TBC1D4: variants seen among roughly 807,000 people sequenced by gnomAD.
TBC1D4 encodes the protein TBC1 domain family member 4.
TBC1D4 carries 121 observed loss-of-function variants against 142.5 expected under a neutral mutation model. That is an observed-to-expected ratio of 0.85 (90% CI 0.73 to 0.99). The LOEUF (loss-of-function observed/expected upper bound fraction) is 0.99. Among genes scored for constraint, TBC1D4 ranks in the 50% least tolerant of loss-of-function variants. TBC1D4 has a pLI of 0.00. For missense variants in TBC1D4, 1,475 were observed against 1,606.6 expected, an observed-to-expected ratio of 0.92 and a Z score of 1.40; for synonymous variants, 630 against 628.2, an observed-to-expected ratio of 1.00 and a Z score of -0.04.
chr13:75,416,577 A>C (rs979767745), intron 1 of TBC1D4, among the ~76,000 whole-genome samples: 5 of 152,166 alleles, frequency 3.3e-5, no homozygotes, highest in Non-Finnish European at 1.5e-5. Context: ...AGCAACATAC[A>C]AGCAATACTC....
chr13:75,317,901 T>C (rs920178607), intron 12 of TBC1D4, among the ~76,000 whole-genome samples: 15 of 152,150 alleles, frequency 9.9e-5, no homozygotes, highest in African/African-American at 3.6e-4. Flanking sequence ...TATCCCCCAA[T>C]ATAGGGTAGG....
In TBC1D4 at chr13:75,462,233, G is replaced by A. The variant is rs755473427; in HGVS notation, c.498+19037C>T. On this transcript the variant is annotated intron_variant, in intron 1 of 20. Coordinates refer to ENST00000377636, the MANE Select transcript of TBC1D4 (RefSeq NM_014832.5). The stretch of plus-strand genomic sequence containing the variant: ...TATACATGAAGGGCAGTTCAATTAC[G>A]GAAACAGCAAATGGACCAGAGGAAC... 1.6e-4 allele frequency among the ~76,000 whole-genome samples: 25 copies of A among 151,970 alleles called. No individual in the cohort carries two copies. The East Asian group carries it at 2.7e-3, about 16-fold the overall frequency.
intron 20 of TBC1D4, among the ~76,000 whole-genome samples, chr13:75,288,487 T>C (rs1874921698): frequency 6.6e-6 from 1 of 152,110 alleles, no homozygotes; most frequent in African/African-American, 2.4e-5. Context: ...CTATCTTAAA[T>C]TGACACTAGG....
intron 8 of TBC1D4, among the ~76,000 whole-genome samples, chr13:75,331,695 G>C (rs1460139457): frequency 6.6e-6 from 1 of 151,992 alleles, no homozygotes. Context: ...AGTGGTTAAT[G>C]AGCTGAGTTT....
intron 15 of TBC1D4, among the ~76,000 whole-genome samples, chr13:75,305,932 A>AT (rs1877138654): frequency 6.6e-6 from 1 of 152,206 alleles, no homozygotes. Context: ...ATCTATACAT[A>AT]TAAATACATA....
chr13:75,383,777 G>A (rs1360161838), intron 1 of TBC1D4, among the ~76,000 whole-genome samples: 1 of 152,146 alleles, frequency 6.6e-6, no homozygotes, highest in Non-Finnish European at 1.5e-5. Flanking sequence ...AGGGGTCTTG[G>A]AATGTGTCCC....
intron 1 of TBC1D4, among the ~76,000 whole-genome samples, chr13:75,449,699 C>A (rs1160641574): frequency 6.6e-6 from 1 of 151,592 alleles, no homozygotes; most frequent in Non-Finnish European, 1.5e-5. Flanking sequence ...TATTCTCCTG[C>A]CTTAGCCTCC....
intron 17 of TBC1D4, among the ~76,000 whole-genome samples, chr13:75,295,257 A>G (rs1052332333): frequency 6.6e-6 from 1 of 152,204 alleles, no homozygotes; most frequent in Non-Finnish European, 1.5e-5. Context: ...GTGTTTGAGC[A>G]TCACATACAT....
At chr13:75,311,480 G>A (rs530096132) in intron 13 of TBC1D4, among the ~76,000 whole-genome samples, 2 of 151,452 alleles carry the variant, frequency 1.3e-5, no homozygotes, top group South Asian at 4.2e-4. Flanking sequence ...ACTTCCATAC[G>A]TTTTACTGTT....
chr13:75,473,574 G>T (rs553139778), intron 1 of TBC1D4, among the ~76,000 whole-genome samples: 1 of 152,262 alleles, frequency 6.6e-6, no homozygotes, highest in Admixed American at 6.5e-5. Flanking sequence ...CTGGTTAAGG[G>T]TATCCACAAA....
At chr13:75,372,023 A>G (rs1364097741) in intron 1 of TBC1D4, among the ~76,000 whole-genome samples, 2 of 152,242 alleles carry the variant, frequency 1.3e-5, no homozygotes, top group African/African-American at 4.8e-5. Context: ...AATTAGAAAC[A>G]AAGTTATCAA....
intron 12 of TBC1D4, among the ~76,000 whole-genome samples, chr13:75,319,153 A>G (rs1878546740): frequency 6.6e-6 from 1 of 152,216 alleles, no homozygotes; most frequent in Admixed American, 6.5e-5. Flanking sequence ...ACCAGTCTCA[A>G]AAAAGTCACT....
intron 4 of TBC1D4, among the ~76,000 whole-genome samples, chr13:75,354,977 A>G (rs1264716605): frequency 1.3e-5 from 2 of 152,132 alleles, no homozygotes; most frequent in African/African-American, 2.4e-5. Context: ...ACAAAACTCA[A>G]ATGGAACCCT....
intron 1 of TBC1D4, among the ~76,000 whole-genome samples, chr13:75,466,042 C>T (rs1246644198): frequency 1.3e-5 from 2 of 152,154 alleles, no homozygotes; most frequent in Non-Finnish European, 2.9e-5. Flanking sequence ...AAGTTGTGGC[C>T]TCACCATCTT....
chr13:75,463,917 CCTT>C (rs1260639158), intron 1 of TBC1D4, among the ~76,000 whole-genome samples: 3 of 152,174 alleles, frequency 2.0e-5, no homozygotes, highest in Non-Finnish European at 2.9e-5. Flanking sequence ...CCACAAGTGG[CCTT>C]CTGTGACCCA....
chr13:75,301,644 C>CA (rs35184321), intron 16 of TBC1D4, among the ~76,000 whole-genome samples: 15,221 of 123,988 alleles, frequency 0.12, 1,148 homozygotes, highest in African/African-American at 0.25. Context: ...GACTCCATCT[C>CA]AAAAAAAAAA....
In TBC1D4 at chr13:75,362,509, A is replaced by C. The variant is rs746210786; in HGVS notation, c.597T>G (p.Ser199=). ...SKDNEDAFYN[S]QKFEVLYCGK... ...CACAGTACAGGACTTCGAACTTCTG[A>C]GAGTTGTAAAAGGCGTCCTCATTAT... Residue 199 remains serine, a synonymous_variant, in exon 2 of 21, where the codon TCT becomes TCG. Transcript: ENST00000377636. This position sits in a 1 kb window ranked among gnomAD's most constrained non-coding sequence, Gnocchi z 4.2. 3.2e-5 allele frequency: 51 copies of C among 1,614,038 alleles called. No homozygotes were observed. Among genetic ancestry groups the C allele is most frequent in the Non-Finnish European group, 4.3e-5 (51 of 1,180,022 alleles).
chr13:75,339,692 CAGCTTCCTGAGT>C (rs1024812159), intron 7 of TBC1D4, among the ~76,000 whole-genome samples: 1 of 152,112 alleles, frequency 6.6e-6, no homozygotes, highest in Non-Finnish European at 1.5e-5. Context: ...TCTCCTGCCT[CAGCTTCCTGAGT>C]AGCTGGGATT....
chr13:75,350,063 C>T (rs1345890187), intron 4 of TBC1D4, among the ~76,000 whole-genome samples: 1 of 152,102 alleles, frequency 6.6e-6, no homozygotes, highest in Non-Finnish European at 1.5e-5. Flanking sequence ...ACAGCTCATC[C>T]CCATGCATTG....
Sources: allele counts gnomAD v4.1 joint callset (sites outside exome capture counted in the v4.1 genomes callset), GRCh38; gene constraint gnomAD v4.1.1; non-coding constraint Gnocchi (gnomAD v3.1); transcripts MANE v1.5; gene names NCBI Gene and HGNC (gene_info 2026-07-23, HGNC 2026-07-21).